The following SLC41A3 variants were observed in gnomAD, a reference collection of about 807,000 sequenced individuals.
SLC41A3 encodes the protein SLC41A1-like 2.
SLC41A3 carries 44 observed loss-of-function variants against 45.4 expected under a neutral mutation model. The observed-to-expected ratio is 0.97, with a 90% CI of 0.76 to 1.25. SLC41A3 has a LOEUF of 1.25. Among genes scored for constraint, SLC41A3 ranks in the 50% most tolerant of loss-of-function variants. SLC41A3 has a pLI of 0.00. For synonymous variants in SLC41A3, 256 were observed against 252.4 expected, an observed-to-expected ratio of 1.01 and a Z score of -0.13; for missense variants, 550 against 600.6, an observed-to-expected ratio of 0.92 and a Z score of 0.88.
intron 2 of SLC41A3, among the ~76,000 whole-genome samples, chr3:126,066,920 A>C (rs1559877570): frequency 6.6e-6 from 1 of 152,200 alleles, no homozygotes; most frequent in Non-Finnish European, 1.5e-5. Context: ...GTTGACTCAA[A>C]GCCTTTGTCA....
chr3:126,063,949 AC>A (rs56806357), intron 2 of SLC41A3, among the ~76,000 whole-genome samples: 15,377 of 102,204 alleles, frequency 0.15, 2,815 homozygotes, highest in African/African-American at 0.32. Context: ...GCCAGATCCA[AC>A]CCCCCCCCGG....
Position 126,026,333 on chromosome 3 carries a change from AC to A in SLC41A3, c.598+1del. 6.4e-7 allele frequency: 1 copy of A among 1,558,872 alleles called. No homozygotes were observed. The highest frequency in any genetic ancestry group is 8.7e-7 in the Non-Finnish European group (1 of 1,150,678). ...GGGGCTCACAGCTGGGGCATGGCTC[AC>A]CCAGGGCAAAGGCTGCAAGGAAGGC... On this transcript the variant is annotated splice_donor_variant, in intron 5 of 10. Coordinates refer to ENST00000360370, the MANE Select transcript of SLC41A3 (RefSeq NM_017836.4). LOFTEE classifies it high-confidence loss of function. This position sits in a 1 kb window ranked among gnomAD's most constrained non-coding sequence, Gnocchi z 4.2.
intron 9 of SLC41A3, among the ~76,000 whole-genome samples, chr3:126,009,505 C>A (rs1458394793): frequency 1.3e-5 from 2 of 152,178 alleles, no homozygotes; most frequent in African/African-American, 2.4e-5. Flanking sequence ...GTGTGATTGA[C>A]CCTGGCCCTA....
At chr3:126,091,477 C>T (rs753578667) in intron 1 of SLC41A3, among the ~76,000 whole-genome samples, 4 of 152,110 alleles carry the variant, frequency 2.6e-5, no homozygotes, top group Non-Finnish European at 5.9e-5. Context: ...AATTCAAAGA[C>T]GTCCTGACTG....
intron 1 of SLC41A3, among the ~76,000 whole-genome samples, chr3:126,078,771 G>A (rs1184508633): frequency 6.6e-6 from 1 of 152,068 alleles, no homozygotes; most frequent in East Asian, 1.9e-4. Context: ...CTCTCAAGGG[G>A]TCGCACCTAC....
At chr3:126,036,676 C>T (rs1325034009) in intron 3 of SLC41A3, among the ~76,000 whole-genome samples, 1 of 152,164 alleles carries the variant, frequency 6.6e-6, no homozygotes, top group East Asian at 1.9e-4. Flanking sequence ...TGTATATCAC[C>T]TCTCTCCTGC....
intron 1 of SLC41A3, chr3:126,101,315 C>T (rs1353638442): frequency 6.6e-6 from 1 of 152,230 alleles, no homozygotes; most frequent in African/African-American, 2.4e-5. Flanking sequence ...GCTGGGAAAT[C>T]CAGCCTTTCT....
At chr3:126,013,841 G>A (rs9851940) in intron 8 of SLC41A3, among the ~76,000 whole-genome samples, 7,889 of 152,174 alleles carry the variant, frequency 0.052, 641 homozygotes, top group African/African-American at 0.17. Context: ...CAGGACGAGC[G>A]GGGTCATGTG....
chr3:126,044,070 A>G (rs942794821), intron 3 of SLC41A3, among the ~76,000 whole-genome samples: 1 of 152,230 alleles, frequency 6.6e-6, no homozygotes, highest in Non-Finnish European at 1.5e-5. Flanking sequence ...CTTTAGATTT[A>G]AGGACACACA....
chr3:126,061,948 G>A (rs537527766), intron 2 of SLC41A3, among the ~76,000 whole-genome samples: 10 of 152,140 alleles, frequency 6.6e-5, no homozygotes, highest in Non-Finnish European at 1.2e-4. Flanking sequence ...GGGGCTGGTG[G>A]GTGCTCCCTG....
At chr3:126,029,189 A>C (rs1261955015) in intron 4 of SLC41A3, among the ~76,000 whole-genome samples, 1 of 152,194 alleles carries the variant, frequency 6.6e-6, no homozygotes, top group Non-Finnish European at 1.5e-5. Flanking sequence ...GAAATTATAT[A>C]GTTTGTATTT....
chr3:126,092,059 T>G (rs979055054), intron 1 of SLC41A3, among the ~76,000 whole-genome samples: 1 of 152,198 alleles, frequency 6.6e-6, no homozygotes, highest in Non-Finnish European at 1.5e-5. Context: ...AGATCTGAGT[T>G]ACCCTGAGTT....
chr3:126,097,648 T>G (rs1032290902), intron 1 of SLC41A3, among the ~76,000 whole-genome samples: 1 of 152,244 alleles, frequency 6.6e-6, no homozygotes, highest in African/African-American at 2.4e-5. Flanking sequence ...GCTGGGCCTG[T>G]CTGGTTTTCA....
At chr3:126,058,880 A>G (rs547559615) in intron 2 of SLC41A3, among the ~76,000 whole-genome samples, 1 of 152,236 alleles carries the variant, frequency 6.6e-6, no homozygotes, top group East Asian at 1.9e-4. Flanking sequence ...GCAGGCCAAC[A>G]CATCACCCAG....
chr3:126,038,119 G>C (rs1227238302), intron 3 of SLC41A3, among the ~76,000 whole-genome samples: 1 of 152,250 alleles, frequency 6.6e-6, no homozygotes, highest in African/African-American at 2.4e-5. Context: ...CTTCCACCTA[G>C]ATTTCAAAGG....
At chr3:126,041,646 T>C (rs916677011) in intron 3 of SLC41A3, among the ~76,000 whole-genome samples, 1 of 152,258 alleles carries the variant, frequency 6.6e-6, no homozygotes, top group African/African-American at 2.4e-5. Flanking sequence ...AGCATTTTCC[T>C]ACTCCAAATG....
intron 3 of SLC41A3, among the ~76,000 whole-genome samples, chr3:126,044,764 T>TG (rs1942837191): frequency 6.6e-6 from 1 of 151,194 alleles, no homozygotes; most frequent in Non-Finnish European, 1.5e-5. Flanking sequence ...GGCGTAGTGG[T>TG]GGGCGCCTGT....
At chr3:126,017,760 T>C (rs1940453665) in intron 6 of SLC41A3, among the ~76,000 whole-genome samples, 1 of 152,096 alleles carries the variant, frequency 6.6e-6, no homozygotes, top group Non-Finnish European at 1.5e-5. Context: ...TCTGGGGGTG[T>C]TATCAGGAAC....
intron 1 of SLC41A3, among the ~76,000 whole-genome samples, chr3:126,081,521 A>G (rs1034749506): frequency 6.6e-6 from 1 of 152,370 alleles, no homozygotes; most frequent in East Asian, 1.9e-4. Context: ...TAAAAGACCA[A>G]TCTCTAAAAT....
Sources: allele counts gnomAD v4.1 joint callset (sites outside exome capture counted in the v4.1 genomes callset), GRCh38; gene constraint gnomAD v4.1.1; non-coding constraint Gnocchi (gnomAD v3.1); transcripts MANE v1.5; gene names NCBI Gene and HGNC (gene_info 2026-07-23, HGNC 2026-07-21).